Variants in RHOH observed in about 807,000 individuals in gnomAD.
RHOH encodes rho-related GTP-binding protein RhoH.
A neutral mutation model predicts 13.8 loss-of-function variants in RHOH; 6 were observed. The ratio of observed to expected loss-of-function variants is 0.44; its 90% CI spans 0.24 to 0.86. The LOEUF (loss-of-function observed/expected upper bound fraction) is 0.86. Ranked by LOEUF, RHOH falls within the 40% of genes least tolerant of loss-of-function variation. The pLI is 0.24. For missense variants in RHOH, 147 were observed against 244.5 expected (o/e 0.60, Z 2.66); for synonymous variants, 117 against 103.0 (o/e 1.14, Z -0.82).
At chr4:40,211,201 G>T (rs1275899710) in intron 1 of RHOH, among the ~76,000 whole-genome samples, 1 of 152,072 alleles carries the variant, frequency 6.6e-6, no homozygotes, top group East Asian at 1.9e-4. Flanking sequence ...GGTATGTTTT[G>T]TAAGTTGAAT....
At chr4:40,195,161 C>G (rs1194333982), upstream of RHOH, among the ~76,000 whole-genome samples, 1 of 152,222 alleles carries the variant, frequency 6.6e-6, no homozygotes, top group East Asian at 1.9e-4. Flanking sequence ...GCCTCATTTT[C>G]AAATTTCTTG....
intron 1 of RHOH, among the ~76,000 whole-genome samples, chr4:40,222,501 C>A (rs1412377738): frequency 1.3e-5 from 2 of 152,218 alleles, no homozygotes; most frequent in African/African-American, 4.8e-5. Context: ...ATAAATGGAA[C>A]AACTAAAGCC....
intron 1 of RHOH, among the ~76,000 whole-genome samples, chr4:40,202,098 G>A (rs1366904226): frequency 6.6e-6 from 1 of 151,876 alleles, no homozygotes; most frequent in African/African-American, 2.4e-5. Flanking sequence ...CCACAGGCGT[G>A]TGCCACCACA....
chr4:40,211,990 CG>C (rs1215261875), intron 1 of RHOH, among the ~76,000 whole-genome samples: 1 of 152,078 alleles, frequency 6.6e-6, no homozygotes, highest in Non-Finnish European at 1.5e-5. Flanking sequence ...CTGAGTCATC[CG>C]ATGCTTTAAA....
At chr4:40,191,114 C>T (rs1722693804), upstream of RHOH, 1 of 152,210 alleles carries the variant, frequency 6.6e-6, no homozygotes, top group Admixed American at 6.5e-5. Flanking sequence ...ATTTCTACAT[C>T]ACTGTGCATG....
intron 1 of RHOH, among the ~76,000 whole-genome samples, chr4:40,223,436 G>A (rs915303081): frequency 1.3e-5 from 2 of 149,412 alleles, no homozygotes; most frequent in Non-Finnish European, 3.0e-5. Flanking sequence ...AAAAAGATTA[G>A]GACTTGCTGA....
Position 40,221,867 on chromosome 4 carries a change from C to T in RHOH, c.-330-20847C>T, listed in dbSNP as rs368568453. ...AAAACTAGGTCTCTTGCCAGTTAGCCAGGTTGTCAATGCAAAGGAAAATTT... is the reference window on the plus strand; with the variant it reads ...AAAACTAGGTCTCTTGCCAGTTAGCTAGGTTGTCAATGCAAAGGAAAATTT... On this transcript the variant is annotated intron_variant, in intron 1 of 2. Transcript: ENST00000381799. 5.9e-4 allele frequency among the ~76,000 whole-genome samples: 90 copies of T among 152,222 alleles called. 1 individual carries two copies. Among genetic ancestry groups the T allele is most frequent in the Middle Eastern group, 3.4e-3 (1 of 294 alleles).
intron 1 of RHOH, chr4:40,209,586 C>G (rs1725022593): frequency 6.6e-6 from 1 of 152,204 alleles, no homozygotes; most frequent in Admixed American, 6.6e-5. Context: ...GCTGGGACTA[C>G]AGGAATGCAC....
At chr4:40,226,466 T>G (rs905168304) in intron 1 of RHOH, among the ~76,000 whole-genome samples, 46 of 144,786 alleles carry the variant, frequency 3.2e-4, no homozygotes, top group Non-Finnish European at 1.5e-4. Flanking sequence ...GTGGAGTTTG[T>G]GGTGAGCCGA....
At chr4:40,217,166 T>C (rs1725987700) in intron 1 of RHOH, among the ~76,000 whole-genome samples, 1 of 152,184 alleles carries the variant, frequency 6.6e-6, no homozygotes, top group Non-Finnish European at 1.5e-5. Context: ...TGCTCCTCTG[T>C]CAGATGTGGC....
intron 1 of RHOH, among the ~76,000 whole-genome samples, chr4:40,235,852 C>T (rs774147084): frequency 6.6e-5 from 10 of 151,758 alleles, no homozygotes; most frequent in Non-Finnish European, 1.2e-4. Flanking sequence ...CATAGTAGCA[C>T]GCAACTGTAG....
chr4:40,227,348 T>C (rs576130460), intron 1 of RHOH, among the ~76,000 whole-genome samples: 1 of 152,348 alleles, frequency 6.6e-6, no homozygotes, highest in East Asian at 1.9e-4. Context: ...GGAAATTAAG[T>C]ATGGGCTATA....
chr4:40,195,671 C>G (rs1309379446), upstream of RHOH, among the ~76,000 whole-genome samples: 6 of 152,004 alleles, frequency 3.9e-5, no homozygotes, highest in Admixed American at 2.6e-4. Context: ...GTCCCGAACT[C>G]CTAGGTTCAA....
At chr4:40,226,161 A>T (rs979187923) in intron 1 of RHOH, among the ~76,000 whole-genome samples, 1 of 152,198 alleles carries the variant, frequency 6.6e-6, no homozygotes, top group African/African-American at 2.4e-5. Context: ...TGCATGATTA[A>T]TTCACATTTT....
Position 40,244,984 on chromosome 4 carries a change from A to C in RHOH, c.*1022A>C, listed in dbSNP as rs1729672834. 1 of 153,920 alleles carries C rather than the reference A, an allele frequency of 6.5e-6. No individual in the cohort carries two copies. The highest frequency in any genetic ancestry group is 6.5e-5 in the Admixed American group (1 of 15,310). 9.5% of individuals were successfully genotyped at this position (153,920 alleles called of 1,614,324 possible). On this transcript the variant is annotated 3_prime_UTR_variant, in exon 3 of 3. Transcript: ENST00000381799. ...GCTTATTGGGGGGATATCTACATATATATGTGTATGTAAGGGAAAAAAGGT... is the reference window on the plus strand; with the variant it reads ...GCTTATTGGGGGGATATCTACATATCTATGTGTATGTAAGGGAAAAAAGGT...
chr4:40,243,629 G>A lies in RHOH; in HGVS notation c.243G>A (p.Met81Ile). The A allele has an allele frequency of 1.2e-6, 2 of 1,614,204 alleles. No homozygotes were observed. The highest frequency in any genetic ancestry group is 1.7e-6 in the Non-Finnish European group (2 of 1,180,044). ...LSYQQADVVL[M>I]CYSVANHNSF... ...ACCAGCAGGCAGACGTGGTGCTGAT[G>A]TGCTACTCTGTGGCCAACCATAACT... The change falls in exon 3 of 3, where the codon ATG becomes ATA. Residue 81 changes from methionine to isoleucine, a missense_variant. Transcript: ENST00000381799. The surrounding 1 kb of genome is among the most constrained non-coding windows in gnomAD (Gnocchi z 6.2).
chr4:40,232,267 C>G (rs1465444420), intron 1 of RHOH, among the ~76,000 whole-genome samples: 1 of 152,146 alleles, frequency 6.6e-6, no homozygotes, highest in Non-Finnish European at 1.5e-5. Flanking sequence ...CTTTGTTGCC[C>G]AGGCTGGAGT....
Position 40,243,340 on chromosome 4 carries a change from T to A in RHOH, c.-47T>A. The A allele has an allele frequency of 1.3e-6, 2 of 1,512,862 alleles. No homozygotes were observed. Among genetic ancestry groups the A allele is most frequent in the South Asian group, 2.6e-5 (2 of 77,002 alleles). 93.7% of individuals were successfully genotyped at this position (1,512,862 alleles called of 1,614,324 possible). ...TGCTGCAGCTGCCCACTGAGGGCTC[T>A]TTTCCCTGGGATTCTGGACTTCAGA... On this transcript the variant is annotated 5_prime_UTR_variant, in exon 3 of 3. Transcript: ENST00000381799. This position sits in a 1 kb window ranked among gnomAD's most constrained non-coding sequence, Gnocchi z 6.2.
intron 1 of RHOH, among the ~76,000 whole-genome samples, chr4:40,237,402 C>G (rs1728712356): frequency 6.6e-6 from 1 of 151,922 alleles, no homozygotes; most frequent in Non-Finnish European, 1.5e-5. Flanking sequence ...CGGCAGTGAG[C>G]CAATATCGTG....
Sources: allele counts gnomAD v4.1 joint callset (sites outside exome capture counted in the v4.1 genomes callset), GRCh38; gene constraint gnomAD v4.1.1; non-coding constraint Gnocchi (gnomAD v3.1); transcripts MANE v1.5; gene names NCBI Gene and HGNC (gene_info 2026-07-23, HGNC 2026-07-21).